Variants in CDH23 observed in about 807,000 individuals in gnomAD.
The protein encoded by CDH23 is cadherin related 23.
CDH23 carries 189 observed loss-of-function variants against 317.1 expected under a neutral mutation model. That is an observed-to-expected ratio of 0.60 (90% confidence interval 0.53 to 0.67). The LOEUF is 0.67. Among genes scored for constraint, CDH23 ranks in the 30% least tolerant of loss-of-function variants. The probability of loss-of-function intolerance (pLI) is 0.00; values close to 1 mark genes in which losing one functional copy is unlikely to be tolerated. For missense variants in CDH23, 4,401 were observed against 4,592.4 expected, an observed-to-expected ratio of 0.96 and a Z score of 1.20; for synonymous variants, 1,839 against 1,876.8, an observed-to-expected ratio of 0.98 and a Z score of 0.52.
At chr10:71,701,303 C>T (rs557738270) in intron 22 of CDH23, among the ~76,000 whole-genome samples, 9 of 152,246 alleles carry the variant, frequency 5.9e-5, no homozygotes, top group African/African-American at 1.7e-4. Flanking sequence ...CAGGGGGCCT[C>T]GGCGAAGATG....
At chr10:71,737,683 C>T (rs1441138881) in intron 34 of CDH23, 3 of 469,454 alleles carry the variant, frequency 6.4e-6, no homozygotes, top group South Asian at 4.6e-5. Flanking sequence ...AAAACCTGAG[C>T]TCCTCCAACC....
At chr10:71,445,994 T>G (rs534044760) in intron 2 of CDH23, among the ~76,000 whole-genome samples, 1 of 152,322 alleles carries the variant, frequency 6.6e-6, no homozygotes, top group Non-Finnish European at 1.5e-5. Context: ...TATTTTACAC[T>G]AATTTTTTTC....
At chr10:71,552,630 G>A (rs1424407241) in intron 6 of CDH23, among the ~76,000 whole-genome samples, 1 of 152,186 alleles carries the variant, frequency 6.6e-6, no homozygotes, top group African/African-American at 2.4e-5. Flanking sequence ...AGGCTGGCTT[G>A]GAACTAGAGT....
At chr10:71,795,894 A>G (rs924113472) in intron 48 of CDH23, 8 of 985,386 alleles carry the variant, frequency 8.1e-6, no homozygotes, top group African/African-American at 3.5e-5. Context: ...GCCTCACCCC[A>G]TTGCCTTCCT....
chr10:71,746,753 G>A (rs893259125), intron 38 of CDH23, among the ~76,000 whole-genome samples: 21 of 152,200 alleles, frequency 1.4e-4, no homozygotes, highest in African/African-American at 5.1e-4. Context: ...GCAGCCAACC[G>A]ATACTACTAT....
At chr10:71,482,463 A>G (rs1397914732) in intron 3 of CDH23, among the ~76,000 whole-genome samples, 5 of 152,178 alleles carry the variant, frequency 3.3e-5, no homozygotes, top group Admixed American at 3.3e-4. Flanking sequence ...TTGATGCCAG[A>G]AGTTTCTTGA....
At chr10:71,557,509 T>C (rs1027415275) in intron 6 of CDH23, among the ~76,000 whole-genome samples, 3 of 152,182 alleles carry the variant, frequency 2.0e-5, no homozygotes, top group African/African-American at 7.2e-5. Flanking sequence ...TTGGATCCCT[T>C]TTCATGAATG....
At chr10:71,613,226 C>T (rs1468739734) in intron 9 of CDH23, among the ~76,000 whole-genome samples, 1 of 152,204 alleles carries the variant, frequency 6.6e-6, no homozygotes, top group Non-Finnish European at 1.5e-5. Context: ...GTTTCTCTAG[C>T]AGCAAAATTC....
intron 66 of CDH23, 46 bp from the exon 67 acceptor site, chr10:71,812,434 C>T (rs1841967646): frequency 6.2e-7 from 1 of 1,611,344 alleles, no homozygotes; most frequent in Non-Finnish European, 8.5e-7. Context: ...CACCTGTCTA[C>T]TCGAGCCTTC....
At chr10:71,683,250 C>T (rs944209093) in intron 18 of CDH23, among the ~76,000 whole-genome samples, 1 of 152,230 alleles carries the variant, frequency 6.6e-6, no homozygotes. Flanking sequence ...ACCGCCTGCC[C>T]CCTCCCCATC....
At chr10:71,552,916 A>C (rs993321447) in intron 6 of CDH23, among the ~76,000 whole-genome samples, 4 of 152,160 alleles carry the variant, frequency 2.6e-5, no homozygotes, top group African/African-American at 9.7e-5. Flanking sequence ...GGGAGTCAGC[A>C]CTAACATGGG....
intron 6 of CDH23, among the ~76,000 whole-genome samples, chr10:71,532,733 T>G (rs988530466): frequency 2.3e-3 from 81 of 34,752 alleles, no homozygotes; most frequent in South Asian, 0.016. Context: ...TTTTGTTTTT[T>G]TTTTTTTTTT....
Position 71,734,405 on chromosome 10 carries a change from C to T in CDH23, c.4206+64C>T, listed in dbSNP as rs942708491. On this transcript the variant is annotated intron_variant, in intron 33 of 69. Coordinates refer to ENST00000224721, the MANE Select transcript of CDH23 (RefSeq NM_022124.6). ...CATCGCTGGCCATGACACTTCCTAA[C>T]CCATGTCCTCGCCAGCCACCCAATG... The T allele has an allele frequency of 3.3e-6, 5 of 1,517,316 alleles. No homozygotes were observed. The African/African-American group carries it at 6.9e-5, about 21-fold the overall frequency. 94.0% of individuals were successfully genotyped at this position (1,517,316 alleles called of 1,614,324 possible).
chr10:71,510,958 A>G lies in CDH23; in HGVS notation c.293A>G (p.Lys98Arg), dbSNP rs796276719. 2 of 1,613,828 alleles carry G rather than the reference A, an allele frequency of 1.2e-6. No homozygotes were observed. The highest frequency in any genetic ancestry group is 2.7e-5 in the African/African-American group (2 of 74,996). ...WLRQPLDRET[K>R]SEFTVEFSVS... ...CCTCTCTCACTTTTCTTTCAGACCAAGTCAGAGTTCACCGTGGAGTTCTCT... is the reference window on the plus strand; with the variant it reads ...CCTCTCTCACTTTTCTTTCAGACCAGGTCAGAGTTCACCGTGGAGTTCTCT... The change falls in exon 5 of 70, where the codon AAG becomes AGG. Residue 98 changes from lysine to arginine, a missense_variant. This residue lies in a region of CDH23 where 3,068 missense variants were observed against 3,203.3 expected (regional missense o/e 0.96). Coordinates refer to ENST00000224721, the MANE Select transcript of CDH23 (RefSeq NM_022124.6).
chr10:71,497,038 GT>G (rs2132157344), intron 3 of CDH23, among the ~76,000 whole-genome samples: 1 of 152,314 alleles, frequency 6.6e-6, no homozygotes, highest in Non-Finnish European at 1.5e-5. Flanking sequence ...GGGTTCACGA[GT>G]GCAGCCTCAT....
chr10:71,603,612 C>CG (rs563908468), intron 9 of CDH23, among the ~76,000 whole-genome samples: 155 of 151,622 alleles, frequency 1.0e-3, no homozygotes, highest in African/African-American at 3.6e-3. Context: ...AAGCAGGCAG[C>CG]AGGGGGGGCC....
intron 20 of CDH23, among the ~76,000 whole-genome samples, chr10:71,691,684 G>A (rs1203707859): frequency 1.3e-5 from 2 of 152,192 alleles, no homozygotes; most frequent in African/African-American, 4.8e-5. Flanking sequence ...CTAGGAGGAG[G>A]TTATGGGCCA....
At chr10:71,623,878 C>G (rs759748959) in intron 11 of CDH23, among the ~76,000 whole-genome samples, 3 of 152,176 alleles carry the variant, frequency 2.0e-5, no homozygotes, top group Non-Finnish European at 2.9e-5. Context: ...TCCACTACCA[C>G]ACCTACCCCA....
rs1841616864 is a variant in CDH23, at chr10:71,803,406, C to T, written c.7858C>T (p.Leu2620Phe). ...TGTGCGCCCACCCAACGGCACCATC[C>T]TCCACATCAGAGAGGTACTCCTGCC... ...VFVRPPNGTI[L>F]HIREEIPLRS... Residue 2620 changes from leucine to phenylalanine, a missense_variant, in exon 55 of 70, where the codon CTC (leucine) becomes TTC (phenylalanine). This residue lies in a region of CDH23 where 1,144 missense variants were observed against 1,138.2 expected (regional missense o/e 1.01). Coordinates refer to ENST00000224721, the MANE Select transcript of CDH23 (RefSeq NM_022124.6). 9.4e-6 allele frequency: 15 copies of T among 1,594,354 alleles called. No homozygotes were observed. Among genetic ancestry groups the T allele is most frequent in the Non-Finnish European group, 1.3e-5 (15 of 1,171,210 alleles).
Sources: gnomAD v4.1 joint callset for allele counts (sites outside exome capture counted in the v4.1 genomes callset) on GRCh38, gnomAD v4.1.1 for gene constraint, gnomAD v4.1.1 regional missense constraint, MANE v1.5 for transcripts, NCBI Gene and HGNC (gene_info 2026-07-23, HGNC 2026-07-21) for gene names.